ALDH1A2: variants seen among roughly 807,000 people sequenced by gnomAD.
The protein encoded by ALDH1A2 is retinal dehydrogenase 2.
Under a neutral mutation model 60.3 loss-of-function variants are expected in ALDH1A2, and 27 were observed. The observed-to-expected ratio is 0.45, with a 90% CI of 0.33 to 0.62. The LOEUF is 0.62. ALDH1A2 is among the 20% of genes least tolerant of loss of function. The pLI is 0.02. For synonymous variants in ALDH1A2, 289 were observed against 232.4 expected (o/e 1.24, Z -2.21); for missense variants, 581 against 643.8 (o/e 0.90, Z 1.06).
At chr15:58,064,511 G>C (rs774689112) in intron 1 of ALDH1A2, among the ~76,000 whole-genome samples, 1 of 152,124 alleles carries the variant, frequency 6.6e-6, no homozygotes, top group African/African-American at 2.4e-5. Flanking sequence ...AAGCACGATG[G>C]AATACATCTT....
rs1893453699 is a variant in ALDH1A2 at position 57,954,557 on chromosome 15, AAG to A, written c.*638_*639del. ...TTTCATTCATGTTATTTATGGGTAAAAGAAAACCAGATTGGGTCAGGAATATC... is the reference window on the plus strand; with the variant it reads ...TTTCATTCATGTTATTTATGGGTAAAAAAACCAGATTGGGTCAGGAATATC... On this transcript the variant is annotated 3_prime_UTR_variant, in exon 13 of 13. Transcript: ENST00000249750. 1 of 157,226 alleles carries A rather than the reference AAG, an allele frequency of 6.4e-6. No individual in the cohort carries two copies. Among genetic ancestry groups the A allele is most frequent in the Non-Finnish European group, 1.4e-5 (1 of 70,436 alleles). The allele number at this position is 157,226 out of a possible 1,614,324, so 9.7% of individuals were successfully genotyped here.
intron 12 of ALDH1A2, among the ~76,000 whole-genome samples, chr15:57,960,514 A>G (rs901269150): frequency 2.6e-5 from 4 of 152,206 alleles, no homozygotes; most frequent in African/African-American, 9.7e-5. Flanking sequence ...AATGTTTAAC[A>G]TACTTCTAAT....
chr15:57,991,983 G>A (rs1333382272), intron 7 of ALDH1A2, among the ~76,000 whole-genome samples: 1 of 152,118 alleles, frequency 6.6e-6, no homozygotes, highest in African/African-American at 2.4e-5. Flanking sequence ...TGGCCCATGG[G>A]TCAAATATAC....
rs1407708924 is a variant in ALDH1A2 at position 58,014,186 on chromosome 15, T to G, written c.213A>C (p.Glu71Asp). Residue 71 changes from glutamate to aspartate, a missense_variant, in exon 2 of 13, where the codon GAA becomes GAC. Coordinates refer to ENST00000249750, the MANE Select transcript of ALDH1A2 (RefSeq NM_003888.4). ...TCTACAAAAGACATACCTTGTCTGC[T>G]TCTTGAACTTCACACACCTGTTCTC... ...ATGEQVCEVQ[E>D]ADKADIDKAV... The G allele has an allele frequency of 1.2e-6, 2 of 1,614,030 alleles. No homozygotes were observed. Among genetic ancestry groups the G allele is most frequent in the African/African-American group, 1.3e-5 (1 of 74,932 alleles).
intron 1 of ALDH1A2, 165 bp from the exon 2 acceptor site, chr15:58,014,446 A>G (rs1268299128): frequency 2.9e-6 from 2 of 686,632 alleles, no homozygotes; most frequent in Non-Finnish European, 5.3e-6. Flanking sequence ...CAATTTAGGA[A>G]TTTCCTCTAT....
At chr15:57,978,833 T>TACC (rs1894372533) in intron 7 of ALDH1A2, among the ~76,000 whole-genome samples, 2 of 152,156 alleles carry the variant, frequency 1.3e-5, no homozygotes, top group African/African-American at 4.8e-5. Flanking sequence ...GGCCAGGAGT[T>TACC]TGAGACCAGC....
Position 57,996,114 on chromosome 15 carries a change from A to G in ALDH1A2, c.494-975T>C, listed in dbSNP as rs962757883. Among the ~76,000 whole-genome samples the G allele has an allele frequency of 4.6e-5, 7 of 152,128 alleles. No individual in the cohort carries two copies. In the East Asian group the frequency reaches 5.8e-4, roughly 13 times the overall value. On this transcript the variant is annotated intron_variant, in intron 4 of 12. Transcript: ENST00000249750. ...ACACTCAGCTAATATTCATGAAAGC[A>G]TAACTATTATAGGTGGAAATGAAGG... is the stretch of plus-strand genomic sequence containing the variant.
chr15:58,028,097 G>C (rs968627395), intron 1 of ALDH1A2, among the ~76,000 whole-genome samples: 1 of 152,000 alleles, frequency 6.6e-6, no homozygotes, highest in African/African-American at 2.4e-5. Context: ...CACATAAATC[G>C]CCAGATTCAC....
chr15:58,028,884 A>G (rs1267900533), intron 1 of ALDH1A2, among the ~76,000 whole-genome samples: 1 of 152,196 alleles, frequency 6.6e-6, no homozygotes, highest in African/African-American at 2.4e-5. Context: ...ATACAGGAGC[A>G]CCCAGACTCA....
At chr15:58,020,786 G>T (rs1452955793) in intron 1 of ALDH1A2, among the ~76,000 whole-genome samples, 4 of 152,076 alleles carry the variant, frequency 2.6e-5, no homozygotes, top group African/African-American at 9.7e-5. Context: ...AATGCATTAG[G>T]ATCATCTTGA....
In ALDH1A2 at chr15:57,971,885, G is replaced by A. The variant is rs1425022476; in HGVS notation, c.799-6058C>T. 2.6e-5 allele frequency among the ~76,000 whole-genome samples: 4 copies of A among 152,086 alleles called. No individual in the cohort carries two copies. The South Asian group carries it at 6.2e-4, about 24-fold the overall frequency. On this transcript the variant is annotated intron_variant, in intron 7 of 12. Transcript: ENST00000249750. ...GCTACAGGTGCACACTACCAAGCCT[G>A]GCTAATTTATTTTTTATTTTTTTTT... is the stretch of plus-strand genomic sequence containing the variant.
At chr15:57,956,567 C>G (rs1052239577) in intron 12 of ALDH1A2, among the ~76,000 whole-genome samples, 4 of 152,172 alleles carry the variant, frequency 2.6e-5, no homozygotes, top group Admixed American at 2.0e-4. Context: ...GGCAAGCAGG[C>G]TGTTCTCCTG....
rs146966659 is a variant in ALDH1A2, at chr15:57,960,892, C to T, written c.1410-48G>A. Reference sequence around the variant, plus strand: ...TGTGAGTTCGTGTGAAGTCTGAGCACATAATCTGACTGGCATGGTATTTCT... The same window carrying T: ...TGTGAGTTCGTGTGAAGTCTGAGCATATAATCTGACTGGCATGGTATTTCT... On this transcript the variant is annotated intron_variant, in intron 11 of 12. Coordinates refer to ENST00000249750, the MANE Select transcript of ALDH1A2 (RefSeq NM_003888.4). The T allele has an allele frequency of 1.4e-3, 2,081 of 1,531,118 alleles. 21 individuals are homozygous for T. In the African/African-American group the frequency reaches 0.025, roughly 18 times the overall value. 94.8% of individuals were successfully genotyped at this position (1,531,118 alleles called of 1,614,324 possible). A position where few individuals can be genotyped will look rare whatever the true frequency, so the allele number is the denominator to read the frequency against.
At chr15:58,063,752 C>A (rs1897101005) in intron 1 of ALDH1A2, among the ~76,000 whole-genome samples, 1 of 152,108 alleles carries the variant, frequency 6.6e-6, no homozygotes, top group African/African-American at 2.4e-5. Context: ...GTACCTCCTC[C>A]CCACAAATTA....
At chr15:57,993,183 T>G in intron 5 of ALDH1A2, 110 bp from the exon 6 acceptor site, 2 of 1,339,746 alleles carry the variant, frequency 1.5e-6, no homozygotes, top group Non-Finnish European at 2.1e-6. Context: ...ATAAATCTTG[T>G]CCACTACAAA....
intron 7 of ALDH1A2, among the ~76,000 whole-genome samples, chr15:57,986,950 C>G (rs551545541): frequency 1.3e-5 from 2 of 152,120 alleles, no homozygotes; most frequent in African/African-American, 4.8e-5. Flanking sequence ...CCACCACGCC[C>G]GGCCACAGAC....
chr15:57,994,990 C>A, intron 5 of ALDH1A2, 88 bp downstream of exon 5: 1 of 1,277,396 alleles, frequency 7.8e-7, no homozygotes, highest in Admixed American at 1.7e-5. Context: ...TAATGGAAAA[C>A]ACACATCGCT....
chr15:58,041,803 T>C (rs1896524242), intron 1 of ALDH1A2, among the ~76,000 whole-genome samples: 1 of 151,946 alleles, frequency 6.6e-6, no homozygotes, highest in Non-Finnish European at 1.5e-5. Flanking sequence ...AGTAACAAAC[T>C]ACTGGTATAG....
At chr15:58,006,912 T>C (rs566431709) in intron 4 of ALDH1A2, among the ~76,000 whole-genome samples, 1 of 151,730 alleles carries the variant, frequency 6.6e-6, no homozygotes, top group East Asian at 1.9e-4. Context: ...TGCCACATTT[T>C]TCATATTTTT....
Sources: gnomAD v4.1 joint callset for allele counts (sites outside exome capture counted in the v4.1 genomes callset) on GRCh38, gnomAD v4.1.1 for gene constraint, MANE v1.5 for transcripts, NCBI Gene and HGNC (gene_info 2026-07-23, HGNC 2026-07-21) for gene names.